Variants in HERC6 observed in about 807,000 individuals in gnomAD.
HERC6 encodes HECT and RLD domain containing E3 ubiquitin protein ligase family member 6.
A neutral mutation model predicts 114.5 loss-of-function variants in HERC6; 101 were observed. That is an observed-to-expected ratio of 0.88 (90% confidence interval 0.75 to 1.04). HERC6 has a LOEUF of 1.04. HERC6 is among the 50% of genes least tolerant of loss of function. HERC6 has a pLI of 0.00. For missense variants in HERC6, 1,133 were observed against 1,230.9 expected, an observed-to-expected ratio of 0.92 and a Z score of 1.19; for synonymous variants, 408 against 436.2, an observed-to-expected ratio of 0.94 and a Z score of 0.81.
intron 8 of HERC6, among the ~76,000 whole-genome samples, chr4:88,402,833 C>T (rs1735613465): frequency 6.6e-6 from 1 of 152,082 alleles, no homozygotes; most frequent in Non-Finnish European, 1.5e-5. Context: ...GAGGGAGCAC[C>T]TCATTGTCCC....
intron 8 of HERC6, 96 bp from the exon 9 acceptor site, chr4:88,404,780 G>A (rs566564061): frequency 8.3e-6 from 12 of 1,450,228 alleles, no homozygotes; most frequent in East Asian, 4.9e-5. Flanking sequence ...CAAGAGGGCA[G>A]GGCCTATTTA....
In HERC6 at chr4:88,413,018, C is replaced by T. The variant is rs193241595; in HGVS notation, c.1369-59C>T. 4.6e-4 allele frequency: 587 copies of T among 1,266,066 alleles called. 1 individual carries two copies. In the African/African-American group the frequency reaches 7.6e-3, roughly 16 times the overall value. 78.4% of individuals were successfully genotyped at this position (1,266,066 alleles called of 1,614,324 possible). On this transcript the variant is annotated intron_variant, in intron 11 of 22. Coordinates refer to ENST00000264346, the MANE Select transcript of HERC6 (RefSeq NM_017912.4). Reference sequence around the variant, plus strand: ...ACCCTTAATTTCACAGCTTGCTTCTCACAATCCTCTGTATCTAATATATCC... The same window carrying T: ...ACCCTTAATTTCACAGCTTGCTTCTTACAATCCTCTGTATCTAATATATCC...
intron 5 of HERC6, among the ~76,000 whole-genome samples, chr4:88,393,950 G>A (rs1161643425): frequency 6.6e-6 from 1 of 152,114 alleles, no homozygotes; most frequent in Non-Finnish European, 1.5e-5. Flanking sequence ...TTTATCAAAG[G>A]CCCCATCTCC....
Position 88,417,491 on chromosome 4 carries a change from T to A in HERC6, c.1625T>A (p.Ile542Asn). Residue 542 changes from isoleucine to asparagine, a missense_variant, in exon 13 of 23, where the codon ATC (isoleucine) becomes AAC (asparagine). Ile to Asn is a moderately radical substitution (Grantham distance 149). Transcript: ENST00000264346. ...CTGATCCAGATGCTTAAAGCAGCCA[T>A]CATCTCTCAGCTGCTTCATCAGACT... is the stretch of plus-strand genomic sequence containing the variant. ...NPLIQMLKAAIISQLLHQTKT... is the reference protein window; with the variant it reads ...NPLIQMLKAANISQLLHQTKT... 1 of 1,611,848 alleles carries A rather than the reference T, an allele frequency of 6.2e-7. No individual in the cohort carries two copies. Among genetic ancestry groups the A allele is most frequent in the Non-Finnish European group, 8.5e-7 (1 of 1,178,850 alleles).
rs186980875 is a variant in HERC6 at position 88,424,552 on chromosome 4, T to C, written c.1828-43T>C. 296 of 1,422,110 alleles carry C rather than the reference T, an allele frequency of 2.1e-4. 1 individual carries two copies. The East Asian group carries it at 4.5e-3, about 22-fold the overall frequency. 88.1% of individuals were successfully genotyped at this position (1,422,110 alleles called of 1,614,324 possible). A position where few individuals can be genotyped will look rare whatever the true frequency, so the allele number is the denominator to read the frequency against. ...GGTAAAGGAAGTAAGTTTTTTTTCA[T>C]TGTTTTTAATTATCAAAACTATTAT... On this transcript the variant is annotated intron_variant, in intron 14 of 22. Transcript: ENST00000264346.
chr4:88,394,474 CAAAAAA>C (rs781425955), intron 5 of HERC6, among the ~76,000 whole-genome samples: 55 of 42,874 alleles, frequency 1.3e-3, no homozygotes, highest in African/African-American at 4.2e-3. Context: ...CTCTCCTGTC[CAAAAAA>C]AAAAAAAAAA....
At chr4:88,411,965 C>T (rs545653583) in intron 11 of HERC6, among the ~76,000 whole-genome samples, 3 of 152,280 alleles carry the variant, frequency 2.0e-5, no homozygotes, top group Admixed American at 6.5e-5. Flanking sequence ...GAGCCAGGGG[C>T]TGCCATCTTC....
intron 13 of HERC6, among the ~76,000 whole-genome samples, chr4:88,423,550 C>G (rs774708212): frequency 6.6e-6 from 1 of 152,050 alleles, no homozygotes; most frequent in Non-Finnish European, 1.5e-5. Context: ...GTTAAAAGTA[C>G]CTTGGATTTT....
intron 8 of HERC6, among the ~76,000 whole-genome samples, chr4:88,400,002 G>A (rs1418854847): frequency 6.6e-6 from 1 of 152,156 alleles, no homozygotes; most frequent in Non-Finnish European, 1.5e-5. Flanking sequence ...TTTGGTGTGT[G>A]TGACAGAAGG....
Position 88,378,984 on chromosome 4 carries a change from C to G in HERC6, c.63C>G (p.Pro21=), listed in dbSNP as rs1324970431. 12 of 1,581,854 alleles carry G rather than the reference C, an allele frequency of 7.6e-6. No homozygotes were observed. Among genetic ancestry groups the G allele is most frequent in the Non-Finnish European group, 9.4e-6 (11 of 1,165,488 alleles). Reference sequence around the variant, plus strand: ...AGCGCCGGAGGACGGCGGGCAGCCCCGGGGCTGAGCTACTGCAGGCGGCCA... The same window carrying G: ...AGCGCCGGAGGACGGCGGGCAGCCCGGGGGCTGAGCTACTGCAGGCGGCCA... The part of the protein sequence containing the change: ...ELQRRRTAGS[P]GAELLQAASG... The change falls in exon 1 of 23, where the codon CCC becomes CCG. Residue 21 remains proline (P), a synonymous_variant. Coordinates refer to ENST00000264346, the MANE Select transcript of HERC6 (RefSeq NM_017912.4).
chr4:88,440,558 T>G (rs1473620367), intron 22 of HERC6: 7 of 250,898 alleles, frequency 2.8e-5, no homozygotes, highest in Non-Finnish European at 4.5e-5. Flanking sequence ...CTGATCTACA[T>G]AGGGCATGAA....
intron 1 of HERC6, 120 bp downstream of exon 1, chr4:88,379,240 C>T (rs1171462347): frequency 2.4e-5 from 19 of 801,000 alleles, no homozygotes; most frequent in African/African-American, 3.7e-5. Context: ...GGCGCGGGGG[C>T]CCAGGTGCAG....
chr4:88,405,063 A>G, intron 9 of HERC6, 66 bp downstream of exon 9: 4 of 1,561,990 alleles, frequency 2.6e-6, no homozygotes, highest in Non-Finnish European at 3.5e-6. Flanking sequence ...ATTTTATCCT[A>G]AGATAGAGGT....
At chr4:88,391,901 T>C (rs1734935920) in intron 4 of HERC6, among the ~76,000 whole-genome samples, 1 of 152,036 alleles carries the variant, frequency 6.6e-6, no homozygotes, top group Admixed American at 6.5e-5. Flanking sequence ...CATTTCAGCA[T>C]TAGCTAAGTT....
chr4:88,405,448 T>G (rs1341692053), intron 9 of HERC6, 106 bp from the exon 10 acceptor site: 2 of 539,392 alleles, frequency 3.7e-6, no homozygotes, highest in Non-Finnish European at 6.4e-6. Flanking sequence ...GTTATTTTCA[T>G]TAATAATTAT....
Position 88,437,622 on chromosome 4 carries a change from G to C in HERC6, c.2485-89G>C. Reference sequence around the variant, plus strand: ...TCCAAGTTATTTTCAGTTACATAGGGGAAAATGTATTGGCAATAAAGATAT... The same window carrying C: ...TCCAAGTTATTTTCAGTTACATAGGCGAAAATGTATTGGCAATAAAGATAT... On this transcript the variant is annotated intron_variant, in intron 19 of 22. Transcript: ENST00000264346. 3.7e-6 allele frequency: 3 copies of C among 808,498 alleles called. No individual in the cohort carries two copies. The South Asian group carries it at 4.8e-5, about 13-fold the overall frequency. The allele number at this position is 808,498 out of a possible 1,614,324, so 50.1% of individuals were successfully genotyped here.
chr4:88,413,714 C>T (rs1372711373), intron 12 of HERC6, among the ~76,000 whole-genome samples: 8 of 152,026 alleles, frequency 5.3e-5, no homozygotes, highest in East Asian at 1.9e-4. Context: ...TAGCTTTTAG[C>T]GTATATTGAA....
At chr4:88,396,215 CAT>C in intron 6 of HERC6, 73 bp downstream of exon 6, 3 of 1,249,892 alleles carry the variant, frequency 2.4e-6, no homozygotes, top group East Asian at 2.8e-5. Flanking sequence ...AGAAATGACT[CAT>C]ATGGAATGTT....
Position 88,418,710 on chromosome 4 carries a change from A to T in HERC6, c.1713+1131A>T, listed in dbSNP as rs116557090. ...TGGTGAGAGACCCATCACACTACAC[A>T]TGTGTGATTTTTTTGTTTGTTTGTT... is the stretch of plus-strand genomic sequence containing the variant. On this transcript the variant is annotated intron_variant, in intron 13 of 22. Transcript: ENST00000264346. 6.0e-3 allele frequency among the ~76,000 whole-genome samples: 912 copies of T among 151,030 alleles called. 10 individuals are homozygous for T. Among genetic ancestry groups the T allele is most frequent in the African/African-American group, 0.022 (888 of 40,614 alleles).
Sources: gnomAD v4.1 joint callset for allele counts (sites outside exome capture counted in the v4.1 genomes callset) on GRCh38, gnomAD v4.1.1 for gene constraint, MANE v1.5 for transcripts, NCBI Gene and HGNC (gene_info 2026-07-23, HGNC 2026-07-21) for gene names.